WDR17: variants seen among roughly 807,000 people sequenced by gnomAD.
WDR17 encodes the protein WD repeat domain 17.
A neutral mutation model predicts 161.7 loss-of-function variants in WDR17; 143 were observed. The ratio of observed to expected loss-of-function variants is 0.88; its 90% confidence interval spans 0.77 to 1.02. The LOEUF is 1.02. Among genes scored for constraint, WDR17 ranks in the 50% least tolerant of loss-of-function variants. The pLI is 0.00. For missense variants in WDR17, 1,469 were observed against 1,520.9 expected (o/e 0.97, Z 0.57); for synonymous variants, 517 against 515.6 (o/e 1.00, Z -0.04).
chr4:176,115,108 A>G (rs1740385525), intron 2 of WDR17, among the ~76,000 whole-genome samples: 1 of 152,090 alleles, frequency 6.6e-6, no homozygotes, highest in Non-Finnish European at 1.5e-5. Flanking sequence ...TTTAAAACTT[A>G]GAATAGCACT....
intron 23 of WDR17, among the ~76,000 whole-genome samples, chr4:176,169,764 G>A (rs1750430472): frequency 6.6e-6 from 1 of 152,208 alleles, no homozygotes; most frequent in Non-Finnish European, 1.5e-5. Flanking sequence ...GTGGATATGT[G>A]TATGTGAATG....
intron 2 of WDR17, 65 bp downstream of exon 2, chr4:176,111,768 AT>A: frequency 7.3e-7 from 1 of 1,362,492 alleles, no homozygotes; most frequent in Non-Finnish European, 9.7e-7. Flanking sequence ...ATTAATACAT[AT>A]TTTAAGTCCT....
Position 176,125,367 on chromosome 4 carries a change from C to G in WDR17, c.790+12C>G. On this transcript the variant is annotated intron_variant, in intron 5 of 28. Transcript: ENST00000508596. Reference sequence around the variant, plus strand: ...GTTTATAACTGGAGGTAAGCTAATCCCCATAACCCAGAGTTTTAAATACGT... The same window carrying G: ...GTTTATAACTGGAGGTAAGCTAATCGCCATAACCCAGAGTTTTAAATACGT... 1 of 1,611,662 alleles carries G rather than the reference C, an allele frequency of 6.2e-7. No individual in the cohort carries two copies. The highest frequency in any genetic ancestry group is 8.5e-7 in the Non-Finnish European group (1 of 1,178,538).
chr4:176,094,981 G>C (rs2126639601), intron 1 of WDR17, among the ~76,000 whole-genome samples: 1 of 152,258 alleles, frequency 6.6e-6, no homozygotes, highest in East Asian at 1.9e-4. Context: ...AGATTCAGCA[G>C]GTAGCTCGAA....
At chr4:176,112,642 G>A (rs1228843640) in intron 2 of WDR17, among the ~76,000 whole-genome samples, 1 of 152,024 alleles carries the variant, frequency 6.6e-6, no homozygotes, top group African/African-American at 2.4e-5. Flanking sequence ...TCGAATCTCA[G>A]CTCCTGTATG....
At chr4:176,152,313 A>AAAAAAAAAAAAAAAAAC (rs1747288262) in intron 17 of WDR17, among the ~76,000 whole-genome samples, 1 of 124,186 alleles carries the variant, frequency 8.1e-6, no homozygotes, top group African/African-American at 2.8e-5. Flanking sequence ...AAAAAAAAAA[A>AAAAAAAAAAAAAAAAAC]AGCCTGAGCG....
At position 176,157,377 on chromosome 4, in the gene WDR17, A is replaced by T. The variant is rs564347223; in HGVS notation, c.2525+1234A>T. The stretch of plus-strand genomic sequence containing the variant: ...AGTAAAAATCAATCAAAGGCTAAAC[A>T]TAAAATTCAGAAGGATTAACACATT... On this transcript the variant is annotated intron_variant, in intron 18 of 28. Transcript: ENST00000508596. Among the ~76,000 whole-genome samples the T allele has an allele frequency of 2.0e-5, 3 of 152,346 alleles. No individual in the cohort carries two copies. The South Asian group carries it at 6.2e-4, about 32-fold the overall frequency.
Position 176,151,836 on chromosome 4 carries a change from G to C in WDR17, c.2329G>C (p.Val777Leu). The change falls in exon 17 of 29, where the codon GTC (valine) becomes CTC (leucine). Residue 777 changes from valine (V) to leucine (L), a missense_variant. Val to Leu is a conservative substitution (Grantham distance 32, BLOSUM62 1). Coordinates refer to ENST00000508596, the MANE Select transcript of WDR17 (RefSeq NM_181265.4). Reference sequence around the variant, plus strand: ...GTCTGAAGCTCAAGAACTAACAACAGTCAAGATGTCTAAATTTGGTGGTGG... The same window carrying C: ...GTCTGAAGCTCAAGAACTAACAACACTCAAGATGTCTAAATTTGGTGGTGG... ...RTSEAQELTT[V>L]KMSKFGGGIG... The C allele has an allele frequency of 6.2e-7, 1 of 1,602,098 alleles. No individual in the cohort carries two copies. The highest frequency in any genetic ancestry group is 8.5e-7 in the Non-Finnish European group (1 of 1,176,328).
intron 18 of WDR17, among the ~76,000 whole-genome samples, chr4:176,159,312 TGGAGAGAGAGAGAGAGAGAGAGAAAG>T (rs1748670986): frequency 9.0e-6 from 1 of 111,322 alleles, no homozygotes; most frequent in Non-Finnish European, 1.8e-5. Context: ...CACACACAGA[TGGAGAGAGAGAGAGAGAGAGAGAAAG>T]GGAGAGAGAG....
At chr4:176,109,297 G>T (rs182275038) in intron 1 of WDR17, among the ~76,000 whole-genome samples, 1 of 151,506 alleles carries the variant, frequency 6.6e-6, no homozygotes, top group Non-Finnish European at 1.5e-5. Flanking sequence ...CATTTTCAGC[G>T]AAAGATACTG....
intron 1 of WDR17, among the ~76,000 whole-genome samples, chr4:176,083,419 T>C (rs997750814): frequency 1.3e-5 from 2 of 152,150 alleles, no homozygotes; most frequent in Non-Finnish European, 2.9e-5. Flanking sequence ...ACTAGCAGAA[T>C]AGATAAATAT....
chr4:176,087,393 T>A (rs1735553361), intron 1 of WDR17, among the ~76,000 whole-genome samples: 1 of 152,152 alleles, frequency 6.6e-6, no homozygotes, highest in Non-Finnish European at 1.5e-5. Context: ...TTTCTGTTGA[T>A]CTTTGACTGT....
chr4:176,079,321 T>C (rs1734457564), intron 1 of WDR17, among the ~76,000 whole-genome samples: 1 of 152,176 alleles, frequency 6.6e-6, no homozygotes, highest in Non-Finnish European at 1.5e-5. Context: ...GCTGCAGTGC[T>C]GCAGTAAACA....
chr4:176,174,930 A>T (rs4234875), intron 26 of WDR17, among the ~76,000 whole-genome samples: 2 of 152,210 alleles, frequency 1.3e-5, no homozygotes, highest in African/African-American at 4.8e-5. Flanking sequence ...AACTCCTAGG[A>T]TTTATTGATC....
In WDR17 at chr4:176,179,461, G is replaced by A; in HGVS notation, c.3734G>A (p.Gly1245Asp). The A allele has an allele frequency of 6.3e-7, 1 of 1,596,736 alleles. No individual in the cohort carries two copies. Among genetic ancestry groups the A allele is most frequent in the Non-Finnish European group, 8.5e-7 (1 of 1,170,676 alleles). The stretch of plus-strand genomic sequence containing the variant: ...CTTTCCTCAACTCTCACTGTGCAGG[G>A]CCCTGTGTTTTTCCTTGAAGACGGG... Reference protein sequence around the residue: ...ISCLTGLKIQGPVFFLEDGKS... With the variant: ...ISCLTGLKIQDPVFFLEDGKS... Residue 1245 changes from glycine to aspartate, a missense_variant and splice_region_variant, in exon 29 of 29, where the codon GGC (glycine) becomes GAC (aspartate). Transcript: ENST00000508596.
intron 22 of WDR17, among the ~76,000 whole-genome samples, chr4:176,167,508 A>T (rs1012438064): frequency 1.2e-4 from 18 of 150,214 alleles, no homozygotes; most frequent in South Asian, 6.4e-4. Context: ...TAGCCGGGCG[A>T]GGTGGCGGGC....
In WDR17 at chr4:176,181,463, A is replaced by G; in HGVS notation, c.*1884A>G. 9.2e-6 allele frequency: 2 copies of G among 218,060 alleles called. No individual in the cohort carries two copies. The highest frequency in any genetic ancestry group is 1.4e-4 in the South Asian group (2 of 14,172). 13.5% of individuals were successfully genotyped at this position (218,060 alleles called of 1,614,324 possible). A position where few individuals can be genotyped will look rare whatever the true frequency, so the allele number is the denominator to read the frequency against. ...GCCTGGGCGACAGAGCAAGACCACC[A>G]TCTCCAAAAATTATATATATAAAAA... On this transcript the variant is annotated 3_prime_UTR_variant, in exon 29 of 29. Coordinates refer to ENST00000508596, the MANE Select transcript of WDR17 (RefSeq NM_181265.4).
At chr4:176,083,775 C>G (rs72706340) in intron 1 of WDR17, among the ~76,000 whole-genome samples, 16,919 of 152,066 alleles carry the variant, frequency 0.11, 1,161 homozygotes, top group East Asian at 0.3. Flanking sequence ...AAAGCATTTG[C>G]CCCAGTTTAC....
At chr4:176,116,694 A>C (rs2126710419) in intron 3 of WDR17, among the ~76,000 whole-genome samples, 1 of 152,008 alleles carries the variant, frequency 6.6e-6, no homozygotes, top group South Asian at 2.1e-4. Context: ...GAGATATAAA[A>C]CTGGACATGA....
Sources: allele counts gnomAD v4.1 joint callset (sites outside exome capture counted in the v4.1 genomes callset), GRCh38; gene constraint gnomAD v4.1.1; transcripts MANE v1.5; gene names NCBI Gene and HGNC (gene_info 2026-07-23, HGNC 2026-07-21).